Variants in NODAL observed in about 807,000 individuals in gnomAD.
The protein encoded by NODAL is nodal growth differentiation factor.
In NODAL, 12 loss-of-function variants were observed where a neutral mutation model predicts 34.0. The ratio of observed to expected loss-of-function variants is 0.35; its 90% CI spans 0.23 to 0.57. The LOEUF (loss-of-function observed/expected upper bound fraction) is 0.57. NODAL is among the 20% of genes least tolerant of loss of function. The pLI is 0.83. For synonymous variants in NODAL, 162 were observed against 186.4 expected, an observed-to-expected ratio of 0.87 and a Z score of 1.07; for missense variants, 390 against 444.2, an observed-to-expected ratio of 0.88 and a Z score of 1.10.
intron 1 of NODAL, among the ~76,000 whole-genome samples, chr10:70,437,333 AG>A (rs1448200685): frequency 6.6e-6 from 1 of 152,200 alleles, no homozygotes; most frequent in African/African-American, 2.4e-5. Context: ...CCAGCTACTC[AG>A]GAAGGCTGAG....
At chr10:70,433,854 G>A (rs936425311) in intron 2 of NODAL, among the ~76,000 whole-genome samples, 1 of 152,200 alleles carries the variant, frequency 6.6e-6, no homozygotes, top group Non-Finnish European at 1.5e-5. Flanking sequence ...TAGGAGGAAA[G>A]GAACAATCCC....
intron 1 of NODAL, among the ~76,000 whole-genome samples, chr10:70,440,314 C>T (rs1397083363): frequency 6.6e-6 from 1 of 152,158 alleles, no homozygotes; most frequent in African/African-American, 2.4e-5. Flanking sequence ...CATCCCCGGC[C>T]GCTTTTCGGT....
Position 70,435,503 on chromosome 10 carries a change from C to G in NODAL, c.674G>C (p.Gly225Ala). Residue 225 changes from glycine to alanine, a missense_variant, in exon 2 of 3, where the codon GGA becomes GCA. Physicochemically the swap from Gly to Ala is moderately conservative, Grantham distance 60 (BLOSUM62 0). Transcript: ENST00000287139. The stretch of plus-strand genomic sequence containing the variant: ...CTTGCCCCACTCCCAGGACAGCTGT[C>G]CCTCCTGGGCCCGCCAGGAGCTCTC... ...EAESSWRAQE[G>A]QLSWEWGKRH... The G allele has an allele frequency of 6.2e-7, 1 of 1,614,122 alleles. No individual in the cohort carries two copies. Among genetic ancestry groups the G allele is most frequent in the Non-Finnish European group, 8.5e-7 (1 of 1,180,026 alleles).
At chr10:70,441,923 C>T (rs1845437234), upstream of NODAL, among the ~76,000 whole-genome samples, 1 of 152,132 alleles carries the variant, frequency 6.6e-6, no homozygotes, top group South Asian at 2.1e-4. Context: ...GGTCTGGACA[C>T]CCTGGCACCC....
intron 2 of NODAL, among the ~76,000 whole-genome samples, chr10:70,434,384 T>C (rs902736840): frequency 6.6e-6 from 1 of 152,140 alleles, no homozygotes; most frequent in Non-Finnish European, 1.5e-5. Context: ...GTTTTTGAGA[T>C]GGAGTTTCGC....
chr10:70,435,165 T>G (rs1589152133), intron 2 of NODAL, 121 bp downstream of exon 2: 3 of 860,004 alleles, frequency 3.5e-6, no homozygotes, highest in Non-Finnish European at 5.5e-6. Flanking sequence ...AGGATCCTGG[T>G]ACATTGGAGG....
chr10:70,438,497 T>TG (rs1235957219), intron 1 of NODAL, among the ~76,000 whole-genome samples: 1 of 152,138 alleles, frequency 6.6e-6, no homozygotes, highest in Non-Finnish European at 1.5e-5. Flanking sequence ...CTCACAGGGG[T>TG]GTTAGGATTA....
chr10:70,436,055 C>T, intron 1 of NODAL, 72 bp from the exon 2 acceptor site: 1 of 1,268,808 alleles, frequency 7.9e-7, no homozygotes, highest in Admixed American at 1.7e-5. Context: ...GTGTCACAAC[C>T]ACCATAGCTC....
upstream of NODAL, chr10:70,441,780 C>G (rs1044776934): frequency 7.8e-6 from 9 of 1,153,566 alleles, no homozygotes; most frequent in Admixed American, 6.3e-5. Context: ...TCATATAACC[C>G]CCCTCCGGAG....
chr10:70,438,161 G>A (rs1845381028), intron 1 of NODAL, among the ~76,000 whole-genome samples: 1 of 152,050 alleles, frequency 6.6e-6, no homozygotes, highest in Non-Finnish European at 1.5e-5. Flanking sequence ...AGGCATGGTG[G>A]TGCACACCTG....
chr10:70,443,699 C>A (rs548334376), upstream of NODAL, among the ~76,000 whole-genome samples: 77 of 151,790 alleles, frequency 5.1e-4, no homozygotes, highest in Non-Finnish European at 7.9e-4. Flanking sequence ...ATTAGCTGGG[C>A]GTGGTGGCAC....
upstream of NODAL, among the ~76,000 whole-genome samples, chr10:70,444,842 G>A (rs1845470583): frequency 6.6e-6 from 1 of 152,148 alleles, no homozygotes; most frequent in African/African-American, 2.4e-5. Context: ...ATTATTGTGG[G>A]TGGTCCATGG....
upstream of NODAL, among the ~76,000 whole-genome samples, chr10:70,445,594 C>T (rs992044057): frequency 7.9e-5 from 12 of 152,182 alleles, no homozygotes; most frequent in Admixed American, 2.0e-4. Flanking sequence ...ATAATAATAA[C>T]CATAGCTAAC....
At chr10:70,435,230 C>T in intron 2 of NODAL, 56 bp downstream of exon 2, 1 of 1,439,560 alleles carries the variant, frequency 6.9e-7, no homozygotes, top group Non-Finnish European at 9.6e-7. Flanking sequence ...AAGCTAGAGC[C>T]CTGTCCCCCA....
intron 1 of NODAL, among the ~76,000 whole-genome samples, chr10:70,436,980 C>T (rs7896955): frequency 0.23 from 34,892 of 152,144 alleles, 4,309 homozygotes; most frequent in Non-Finnish European, 0.27. Flanking sequence ...GGACCTACAT[C>T]AGAGATCATC....
upstream of NODAL, among the ~76,000 whole-genome samples, chr10:70,446,571 G>C (rs1845487909): frequency 6.6e-6 from 1 of 152,120 alleles, no homozygotes. Context: ...AAACCTGCTT[G>C]TCTAGTGAGT....
chr10:70,443,594 C>T (rs531762044), upstream of NODAL, among the ~76,000 whole-genome samples: 1 of 152,164 alleles, frequency 6.6e-6, no homozygotes, highest in East Asian at 2.0e-4. Flanking sequence ...AATCCTAGCA[C>T]TTTGGGAGGC....
At position 70,435,864 on chromosome 10, in the gene NODAL, T is replaced by C. The variant is rs761968038; in HGVS notation, c.313A>G (p.Thr105Ala). The C allele has an allele frequency of 5.0e-6, 8 of 1,614,072 alleles. No homozygotes were observed. Among genetic ancestry groups the C allele is most frequent in the Non-Finnish European group, 6.8e-6 (8 of 1,180,016 alleles). ...ATCTCAATGGCAAGTGAGCCCTCAG[T>C]GGGGAGGTCCACAGGGCTGGACAGC... is the stretch of plus-strand genomic sequence containing the variant. ...LQLSSPVDLP[T>A]EGSLAIEIFH... is the part of the protein sequence containing the mutation. The change falls in exon 2 of 3, where the codon ACT (threonine) becomes GCT (alanine). Residue 105 changes from threonine to alanine, a missense_variant. By Grantham distance (58) the Thr-to-Ala change is moderately conservative (BLOSUM62 0). Transcript: ENST00000287139.
At chr10:70,444,511 T>C (rs1444879616), upstream of NODAL, among the ~76,000 whole-genome samples, 2 of 151,968 alleles carry the variant, frequency 1.3e-5, no homozygotes, top group African/African-American at 4.8e-5. Flanking sequence ...CTGGCTAAAT[T>C]TTTGTACTGT....
Sources: gnomAD v4.1 joint callset for allele counts (sites outside exome capture counted in the v4.1 genomes callset) on GRCh38, gnomAD v4.1.1 for gene constraint, MANE v1.5 for transcripts, NCBI Gene and HGNC (gene_info 2026-07-23, HGNC 2026-07-21) for gene names.